ATAD3B: variants seen among roughly 807,000 people sequenced by gnomAD.
ATAD3B encodes the protein ATPase family AAA domain-containing protein 3B.
Under a neutral mutation model 70.2 loss-of-function variants are expected in ATAD3B, and 59 were observed. That is an observed-to-expected ratio of 0.84 (90% CI 0.68 to 1.04). The LOEUF (loss-of-function observed/expected upper bound fraction) is 1.04, where lower values mean the gene tolerates loss of function less well. Ranked by LOEUF, ATAD3B falls within the 50% of genes least tolerant of loss-of-function variation. The pLI is 0.00. For missense variants in ATAD3B, 961 were observed against 913.4 expected, an observed-to-expected ratio of 1.05 and a Z score of -0.67; for synonymous variants, 423 against 388.6, an observed-to-expected ratio of 1.09 and a Z score of -1.04.
the ATAD3B span, among the ~76,000 whole-genome samples, chr1:1,507,126 T>A: frequency 2.6e-5 from 4 of 152,218 alleles, no homozygotes; most frequent in Non-Finnish European, 4.4e-5. Context: ...GATTATATCA[T>A]CTGAGAACAG....
intron 1 of ATAD3B, among the ~76,000 whole-genome samples, chr1:1,472,998 G>T (rs557936947): frequency 3.9e-4 from 57 of 147,438 alleles, no homozygotes; most frequent in African/African-American, 1.4e-3. Flanking sequence ...AATTTTTTTT[G>T]TATCTTTAGT....
chr1:1,506,318 A>G, the ATAD3B span, among the ~76,000 whole-genome samples: 10 of 151,682 alleles, frequency 6.6e-5, no homozygotes, highest in African/African-American at 2.4e-4. Context: ...TGCTTTTTCT[A>G]TTTTTGTAAA....
intron 7 of ATAD3B, 149 bp downstream of exon 7, chr1:1,482,763 G>A (rs1275875432): frequency 1.6e-5 from 21 of 1,305,132 alleles, no homozygotes; most frequent in South Asian, 1.1e-4. Flanking sequence ...TGCTGGGCTC[G>A]GCTGCTCCTC....
downstream of ATAD3B, among the ~76,000 whole-genome samples, chr1:1,498,132 CA>C (rs953525992): frequency 6.6e-6 from 1 of 151,334 alleles, no homozygotes; most frequent in African/African-American, 2.4e-5. Context: ...GTGAAACCCC[CA>C]TCTCTATTAA....
intron 4 of ATAD3B, among the ~76,000 whole-genome samples, chr1:1,479,920 A>G (rs1038811327): frequency 3.7e-5 from 5 of 136,400 alleles, no homozygotes; most frequent in Non-Finnish European, 6.2e-5. Flanking sequence ...GCGCGCACAC[A>G]CCCGGACATG....
At chr1:1,506,340 G>GT in the ATAD3B span, among the ~76,000 whole-genome samples, 3 of 151,692 alleles carry the variant, frequency 2.0e-5, no homozygotes, top group African/African-American at 7.3e-5. Context: ...AATAATTCGG[G>GT]TTTTACAGGG....
chr1:1,495,125 A>G lies in ATAD3B; in HGVS notation c.1615-360A>G, dbSNP rs112240514. ...AGGGTCTGAGGGTCTGAGGTGCACT[A>G]TGACCCGGGGGCACTGCCTGGCCAC... On this transcript the variant is annotated intron_variant, in intron 15 of 15. Transcript: ENST00000673477. Among the ~76,000 whole-genome samples the G allele has an allele frequency of 2.9e-3, 435 of 152,100 alleles. 3 individuals are homozygous for G. The highest frequency in any genetic ancestry group is 9.8e-3 in the African/African-American group (405 of 41,536).
rs1640829111 is a variant in ATAD3B at position 1,497,500 on chromosome 1, AG to A, written c.*1684del. 6.7e-6 allele frequency: 1 copy of A among 149,940 alleles called. No homozygotes were observed. The highest frequency in any genetic ancestry group is 6.7e-5 in the Admixed American group (1 of 14,954). 9.3% of individuals were successfully genotyped at this position (149,940 alleles called of 1,614,324 possible). A position where few individuals can be genotyped will look rare whatever the true frequency, so the allele number is the denominator to read the frequency against. On this transcript the variant is annotated 3_prime_UTR_variant, in exon 16 of 16. Transcript: ENST00000673477. ...CCCGCCTCTACAGGATGAGCCACCA[AG>A]CCTGGCCTCAATTCCTCTTTAAAGG...
At chr1:1,489,365 G>A (rs1239790857) in intron 13 of ATAD3B, 91 bp downstream of exon 13, 1 of 1,592,330 alleles carries the variant, frequency 6.3e-7, no homozygotes, top group African/African-American at 1.3e-5. Context: ...TCACAGTGCT[G>A]GGCACCAGCT....
At chr1:1,505,013 G>A in the ATAD3B span, among the ~76,000 whole-genome samples, 2 of 152,194 alleles carry the variant, frequency 1.3e-5, no homozygotes, top group African/African-American at 4.8e-5. Context: ...TTTGTGTGCA[G>A]AGACAAGAGA....
chr1:1,482,061 T>C (rs1639937361), intron 5 of ATAD3B, 77 bp from the exon 6 acceptor site: 2 of 1,542,930 alleles, frequency 1.3e-6, no homozygotes, highest in Non-Finnish European at 1.8e-6. Context: ...GTCCGTGGCG[T>C]GGGCCGGTCC....
intron 1 of ATAD3B, among the ~76,000 whole-genome samples, chr1:1,473,583 A>C (rs565274302): frequency 1.4e-5 from 2 of 147,672 alleles, no homozygotes; most frequent in African/African-American, 5.0e-5. Context: ...GCAAACCGCA[A>C]CGCCCTGGTT....
Position 1,489,053 on chromosome 1 carries a change from C to T in ATAD3B, c.1267-151C>T, listed in dbSNP as rs1640386421. 8.6e-6 allele frequency: 12 copies of T among 1,390,204 alleles called. No homozygotes were observed. In the East Asian group the frequency reaches 1.5e-4, roughly 17 times the overall value. The allele number at this position is 1,390,204 out of a possible 1,614,324, so 86.1% of individuals were successfully genotyped here. A position where few individuals can be genotyped will look rare whatever the true frequency, so the allele number is the denominator to read the frequency against. ...GCTGGGTTACATGCTTGAGCCACCG[C>T]CCCTGGCCCTGGTCAGGATTTTGAG... On this transcript the variant is annotated intron_variant, in intron 12 of 15. Coordinates refer to ENST00000673477, the MANE Select transcript of ATAD3B (RefSeq NM_031921.6).
At chr1:1,503,895 G>A in the ATAD3B span, among the ~76,000 whole-genome samples, 2 of 152,082 alleles carry the variant, frequency 1.3e-5, no homozygotes, top group African/African-American at 2.4e-5. Flanking sequence ...CTGGTTGTCC[G>A]GAGGATGGGG....
At chr1:1,499,339 T>C (rs111923050), downstream of ATAD3B, among the ~76,000 whole-genome samples, 14,376 of 142,114 alleles carry the variant, frequency 0.1, 1,438 homozygotes, top group African/African-American at 0.26. Context: ...TGGGTTCAAG[T>C]GATTCTTCTG....
At chr1:1,506,263 CT>C in the ATAD3B span, among the ~76,000 whole-genome samples, 1 of 151,674 alleles carries the variant, frequency 6.6e-6, no homozygotes, top group Non-Finnish European at 1.5e-5. Context: ...TTTTTTTTCC[CT>C]TTGGCAATTC....
At chr1:1,498,012 A>C (rs1374091649), downstream of ATAD3B, among the ~76,000 whole-genome samples, 2 of 150,452 alleles carry the variant, frequency 1.3e-5, no homozygotes, top group African/African-American at 4.9e-5. Flanking sequence ...CAAAAAATAC[A>C]AAAGAAAAAT....
At position 1,475,453 on chromosome 1, in the gene ATAD3B, CG is replaced by C. The variant is rs542865982; in HGVS notation, c.206-1817del. The stretch of plus-strand genomic sequence containing the variant: ...TTCCTCCGTGCCCCTTTCCTGGCAG[CG>C]GGGTCGCCGAGATTCGCCCGTTGCT... On this transcript the variant is annotated intron_variant, in intron 1 of 15. Transcript: ENST00000673477. Among the ~76,000 whole-genome samples, 330 of 151,448 alleles carry C rather than the reference CG, an allele frequency of 2.2e-3. 3 individuals carry two copies. Among genetic ancestry groups the C allele is most frequent in the African/African-American group, 7.0e-3 (291 of 41,398 alleles).
At chr1:1,508,362 G>A in the ATAD3B span, among the ~76,000 whole-genome samples, 13 of 151,412 alleles carry the variant, frequency 8.6e-5, no homozygotes, top group South Asian at 2.1e-4. Context: ...TCGTGGCGAC[G>A]GTGTTGTGGG....
Sources: allele counts gnomAD v4.1 joint callset (sites outside exome capture counted in the v4.1 genomes callset), GRCh38; gene constraint gnomAD v4.1.1; transcripts MANE v1.5; gene names NCBI Gene and HGNC (gene_info 2026-07-23, HGNC 2026-07-21).